TNNI3K: variants seen among roughly 807,000 people sequenced by gnomAD.
TNNI3K encodes serine/threonine-protein kinase TNNI3K.
A neutral mutation model predicts 114.5 loss-of-function variants in TNNI3K; 140 were observed. The observed-to-expected ratio is 1.22, with a 90% CI of 1.07 to 1.41. TNNI3K has a LOEUF of 1.41. Ranked by LOEUF, TNNI3K falls within the 40% of genes most tolerant of loss-of-function variation. TNNI3K has a pLI of 0.00. For missense variants in TNNI3K, 1,125 were observed against 1,007.6 expected (o/e 1.12, Z -1.58); for synonymous variants, 347 against 347.5 (o/e 1.00, Z 0.02).
At chr1:74,351,193 C>A (rs1261634292) in intron 9 of TNNI3K, among the ~76,000 whole-genome samples, 1 of 152,014 alleles carries the variant, frequency 6.6e-6, no homozygotes, top group African/African-American at 2.4e-5. Context: ...ATTTGCTTGT[C>A]TGTAAAGTAT....
chr1:74,276,916 G>A (rs1656718757), intron 5 of TNNI3K, among the ~76,000 whole-genome samples: 1 of 152,090 alleles, frequency 6.6e-6, no homozygotes, highest in Non-Finnish European at 1.5e-5. Flanking sequence ...TAAATTTACT[G>A]TGCTTTGAAG....
chr1:74,504,434 C>G (rs1356215088), intron 23 of TNNI3K, among the ~76,000 whole-genome samples: 1 of 152,126 alleles, frequency 6.6e-6, no homozygotes, highest in Non-Finnish European at 1.5e-5. Context: ...TGTGCAGCCT[C>G]AAAGTTGAGG....
chr1:74,307,047 G>A (rs1658687121), intron 5 of TNNI3K, among the ~76,000 whole-genome samples: 2 of 152,108 alleles, frequency 1.3e-5, no homozygotes, highest in Middle Eastern at 3.2e-3. Context: ...GCAGTGAGAG[G>A]TAAACGTCCA....
chr1:74,247,994 G>A (rs1323461546), intron 2 of TNNI3K, among the ~76,000 whole-genome samples: 1 of 152,074 alleles, frequency 6.6e-6, no homozygotes, highest in East Asian at 1.9e-4. Flanking sequence ...GGAGCCCACG[G>A]GGGTAGGGGG....
chr1:74,516,753 A>G (rs1188919541), intron 23 of TNNI3K, among the ~76,000 whole-genome samples: 1 of 152,176 alleles, frequency 6.6e-6, no homozygotes, highest in Non-Finnish European at 1.5e-5. Context: ...CTCCAGTAGT[A>G]ATAATGAATG....
intron 9 of TNNI3K, among the ~76,000 whole-genome samples, chr1:74,349,401 A>G (rs1250530151): frequency 1.3e-5 from 2 of 152,134 alleles, no homozygotes; most frequent in East Asian, 1.9e-4. Context: ...TTTTGCATCA[A>G]TGTTCATCAA....
In TNNI3K at chr1:74,470,158, C is replaced by T. The variant is rs919772767; in HGVS notation, c.2121+6608C>T. 7 of 400,544 alleles carry T rather than the reference C, an allele frequency of 1.7e-5. No individual in the cohort carries two copies. The East Asian group carries it at 2.5e-4, about 14-fold the overall frequency. 24.8% of individuals were successfully genotyped at this position (400,544 alleles called of 1,614,324 possible). A position where few individuals can be genotyped will look rare whatever the true frequency, so the allele number is the denominator to read the frequency against. ...GTTAACTTCAGGATCTACTTCACTG[C>T]AAAGTATTCTATTTTGGGTTTCATG... is the stretch of plus-strand genomic sequence containing the variant. On this transcript the variant is annotated intron_variant, in intron 21 of 24. Transcript: ENST00000326637.
intron 21 of TNNI3K, among the ~76,000 whole-genome samples, chr1:74,466,585 G>A (rs1460019265): frequency 1.3e-5 from 2 of 152,186 alleles, no homozygotes; most frequent in Admixed American, 6.5e-5. Flanking sequence ...GGAAGATGAA[G>A]AAAAAGCATA....
At chr1:74,423,505 T>C (rs1665494813) in intron 17 of TNNI3K, among the ~76,000 whole-genome samples, 1 of 152,142 alleles carries the variant, frequency 6.6e-6, no homozygotes, top group Non-Finnish European at 1.5e-5. Context: ...ATGTGGATTC[T>C]AATCATAATT....
At chr1:74,413,976 A>G (rs1332190881) in intron 17 of TNNI3K, among the ~76,000 whole-genome samples, 3 of 152,194 alleles carry the variant, frequency 2.0e-5, no homozygotes, top group Non-Finnish European at 2.9e-5. Flanking sequence ...ATCATTTTCC[A>G]TGGCTATTTG....
chr1:74,422,228 G>A (rs1343562489), intron 17 of TNNI3K, among the ~76,000 whole-genome samples: 1 of 151,688 alleles, frequency 6.6e-6, no homozygotes, highest in African/African-American at 2.4e-5. Flanking sequence ...ATAAAGTGAA[G>A]GTATATGTGT....
At chr1:74,384,237 C>T (rs913806765) in intron 17 of TNNI3K, among the ~76,000 whole-genome samples, 2 of 152,098 alleles carry the variant, frequency 1.3e-5, no homozygotes, top group African/African-American at 4.8e-5. Flanking sequence ...GCTCAATTAA[C>T]ACGCTATTCC....
chr1:74,451,153 A>G (rs2100697147), intron 20 of TNNI3K, among the ~76,000 whole-genome samples: 1 of 152,244 alleles, frequency 6.6e-6, no homozygotes, highest in South Asian at 2.1e-4. Context: ...GGAACAGAAA[A>G]CCAAACACCA....
Position 74,305,290 on chromosome 1 carries a change from A to T in TNNI3K, c.445-26160A>T, listed in dbSNP as rs977442930. Reference sequence around the variant, plus strand: ...TGACCGCACTGTAGAAGCCTACTTCAGGACTCATTTGAAGCTGACTCACAC... The same window carrying T: ...TGACCGCACTGTAGAAGCCTACTTCTGGACTCATTTGAAGCTGACTCACAC... On this transcript the variant is annotated intron_variant, in intron 5 of 24. Coordinates refer to ENST00000326637, the MANE Select transcript of TNNI3K (RefSeq NM_015978.3). Among the ~76,000 whole-genome samples the T allele has an allele frequency of 7.9e-5, 12 of 152,322 alleles. No individual in the cohort carries two copies. In the East Asian group the frequency reaches 2.3e-3, roughly 29 times the overall value.
chr1:74,510,730 C>T (rs921475636), intron 23 of TNNI3K, among the ~76,000 whole-genome samples: 7 of 152,104 alleles, frequency 4.6e-5, no homozygotes, highest in Non-Finnish European at 8.8e-5. Flanking sequence ...TTAAATATGG[C>T]TAGCATTGAA....
chr1:74,543,293 C>T (rs537337677), intron 24 of TNNI3K, among the ~76,000 whole-genome samples: 12 of 151,856 alleles, frequency 7.9e-5, no homozygotes, highest in African/African-American at 9.7e-5. Context: ...AGGATGGTCT[C>T]GATCTCCCGA....
chr1:74,505,350 C>G lies in TNNI3K; in HGVS notation c.2351+13084C>G, dbSNP rs529791283. Among the ~76,000 whole-genome samples, 3 of 152,300 alleles carry G rather than the reference C, an allele frequency of 2.0e-5. No individual in the cohort carries two copies. The East Asian group carries it at 5.8e-4, about 29-fold the overall frequency. On this transcript the variant is annotated intron_variant, in intron 23 of 24. Coordinates refer to ENST00000326637, the MANE Select transcript of TNNI3K (RefSeq NM_015978.3). ...ACTCCAGCTCTGGCCTCGCCCTGCT[C>G]CCTCCTGACTCCAGTATTTGTGTTG...
chr1:74,322,461 CTTTT>C (rs113272069), intron 5 of TNNI3K, among the ~76,000 whole-genome samples: 2 of 138,890 alleles, frequency 1.4e-5, no homozygotes, highest in Non-Finnish European at 3.1e-5. Flanking sequence ...CTAATTCTAC[CTTTT>C]TTTTTTTTTT....
intron 5 of TNNI3K, among the ~76,000 whole-genome samples, chr1:74,330,148 T>G (rs1660119850): frequency 6.6e-6 from 1 of 152,030 alleles, no homozygotes; most frequent in African/African-American, 2.4e-5. Context: ...AAGTTTGTTG[T>G]GAAAGGTAGC....
Sources: allele counts gnomAD v4.1 joint callset (sites outside exome capture counted in the v4.1 genomes callset), GRCh38; gene constraint gnomAD v4.1.1; transcripts MANE v1.5; gene names NCBI Gene and HGNC (gene_info 2026-07-23, HGNC 2026-07-21).